The following AQR variants were observed in gnomAD, a reference collection of about 807,000 sequenced individuals.
The protein encoded by AQR is aquarius intron-binding spliceosomal factor, also known as RNA helicase aquarius.
Under a neutral mutation model 180.5 loss-of-function variants are expected in AQR, and 61 were observed. That is an observed-to-expected ratio of 0.34 (90% CI 0.28 to 0.42). The LOEUF is 0.42. Among genes scored for constraint, AQR ranks in the 10% least tolerant of loss-of-function variants. The probability of loss-of-function intolerance (pLI) is 1.00; values close to 1 mark genes in which losing one functional copy is unlikely to be tolerated. For synonymous variants in AQR, 551 were observed against 588.8 expected (o/e 0.94, Z 0.93); for missense variants, 1,281 against 1,798.3 (o/e 0.71, Z 5.20).
At chr15:34,958,205 T>G (rs1411824369) in intron 3 of AQR, among the ~76,000 whole-genome samples, 1 of 151,442 alleles carries the variant, frequency 6.6e-6, no homozygotes, top group Admixed American at 6.6e-5. Flanking sequence ...AGACTCCGTC[T>G]CAAAAAATAA....
chr15:34,893,525 T>A, intron 23 of AQR, 138 bp downstream of exon 23: 2 of 639,306 alleles, frequency 3.1e-6, no homozygotes, highest in East Asian at 5.7e-5. Context: ...GAAACTAGAT[T>A]TCTTGAAGAG....
intron 10 of AQR, among the ~76,000 whole-genome samples, chr15:34,933,569 T>G (rs1893899289): frequency 6.6e-6 from 1 of 152,148 alleles, no homozygotes; most frequent in Non-Finnish European, 1.5e-5. Context: ...AAGAGACAAT[T>G]ATAAACCCAT....
chr15:34,916,454 T>C (rs74434123), intron 15 of AQR, among the ~76,000 whole-genome samples: 1 of 149,424 alleles, frequency 6.7e-6, no homozygotes, highest in Non-Finnish European at 1.5e-5. Flanking sequence ...AAAAAAAAAA[T>C]AAACTTAAAT....
At chr15:34,858,783 CA>C (rs1427588029) in intron 34 of AQR, among the ~76,000 whole-genome samples, 1 of 152,130 alleles carries the variant, frequency 6.6e-6, no homozygotes, top group East Asian at 1.9e-4. Flanking sequence ...CAGACTCTCA[CA>C]TATATAGTCA....
intron 3 of AQR, among the ~76,000 whole-genome samples, chr15:34,954,963 A>G: frequency 6.6e-6 from 1 of 152,012 alleles, no homozygotes; most frequent in East Asian, 1.9e-4. Context: ...TCTCTACTAA[A>G]ATACAAAAAA....
chr15:34,956,454 T>C (rs1300765010), intron 3 of AQR, among the ~76,000 whole-genome samples: 2 of 151,880 alleles, frequency 1.3e-5, no homozygotes, highest in African/African-American at 2.4e-5. Flanking sequence ...AGTTCGAGAC[T>C]AGCCTGGCCA....
chr15:34,874,282 T>C (rs1042335206), intron 29 of AQR: 19 of 322,258 alleles, frequency 5.9e-5, no homozygotes, highest in South Asian at 8.5e-5. Context: ...AGACTAAAAA[T>C]TGAGGACATT....
rs377705723 is a variant in AQR, at chr15:34,873,956, A to G, written c.3469T>C (p.Leu1157=). Residue 1157 remains leucine, a synonymous_variant, in exon 30 of 35, where the codon TTA becomes CTA. Transcript: ENST00000156471. ...TCTGGCAAGAGCTGCACATGGGGTA[A>G]GTTTCCTAGATTCTTGTATCGCCAG... ...YNWRYKNLGN[L]PHVQLLPEFS... 4.0e-5 allele frequency: 64 copies of G among 1,610,896 alleles called. No homozygotes were observed. In the African/African-American group the frequency reaches 5.9e-4, roughly 15 times the overall value.
chr15:34,909,166 A>C (rs1233597545), intron 17 of AQR, among the ~76,000 whole-genome samples: 1 of 152,236 alleles, frequency 6.6e-6, no homozygotes, highest in African/African-American at 2.4e-5. Context: ...TGGTAGTAAT[A>C]ATTTCTGAAA....
Position 34,856,910 on chromosome 15 carries a change from G to A in AQR, c.4340C>T (p.Thr1447Ile). The A allele has an allele frequency of 3.7e-6, 6 of 1,614,084 alleles. No individual in the cohort carries two copies. The highest frequency in any genetic ancestry group is 4.2e-6 in the Non-Finnish European group (5 of 1,179,990). ...TTPSETGATSTPEAIPALSET... is the reference protein window; with the variant it reads ...TTPSETGATSIPEAIPALSET... Reference sequence around the variant, plus strand: ...AGATAAAGCAGGGATGGCTTCTGGAGTGGAAGTGGCTCCTGTCTCACTGGG... The same window carrying A: ...AGATAAAGCAGGGATGGCTTCTGGAATGGAAGTGGCTCCTGTCTCACTGGG... The change falls in exon 35 of 35, where the codon ACT becomes ATT. Residue 1447 changes from threonine (T) to isoleucine (I), a missense_variant. By Grantham distance (89) the Thr-to-Ile change is moderately conservative. Transcript: ENST00000156471.
chr15:34,897,425 TAGAA>T (rs1429909610), intron 21 of AQR, 130 bp downstream of exon 21: 7 of 1,016,028 alleles, frequency 6.9e-6, no homozygotes, highest in South Asian at 3.2e-5. Context: ...ACTGACAGAA[TAGAA>T]AGAAAGAGGG....
intron 18 of AQR, among the ~76,000 whole-genome samples, chr15:34,905,935 G>T (rs1893406974): frequency 6.6e-6 from 1 of 152,158 alleles, no homozygotes; most frequent in South Asian, 2.1e-4. Context: ...TACTGGGGTG[G>T]CTGAGGCAGA....
In AQR at chr15:34,853,280, A is replaced by G. The variant is rs1892540637; in HGVS notation, c.*3512T>C. The G allele has an allele frequency of 6.6e-6, 1 of 150,794 alleles. No homozygotes were observed. The highest frequency in any genetic ancestry group is 1.5e-5 in the Non-Finnish European group (1 of 67,896). 9.3% of individuals were successfully genotyped at this position (150,794 alleles called of 1,614,324 possible). On this transcript the variant is annotated 3_prime_UTR_variant, in exon 35 of 35. Coordinates refer to ENST00000156471, the MANE Select transcript of AQR (RefSeq NM_014691.3). ...TTTTAACTTTATCTTGTTTTGATTG[A>G]AGAAACATCTCTAAAAATACCATCT...
intron 19 of AQR, among the ~76,000 whole-genome samples, chr15:34,902,266 T>A (rs1893342759): frequency 6.6e-6 from 1 of 152,000 alleles, no homozygotes; most frequent in Non-Finnish European, 1.5e-5. Flanking sequence ...ATGAGGAGAC[T>A]CAAGGGTAGA....
intron 27 of AQR, among the ~76,000 whole-genome samples, chr15:34,882,172 A>AT (rs1343566764): frequency 4.0e-5 from 6 of 151,774 alleles, no homozygotes; most frequent in Admixed American, 2.6e-4. Flanking sequence ...TATTATTACT[A>AT]TTTTTTTAAT....
intron 16 of AQR, among the ~76,000 whole-genome samples, chr15:34,914,054 C>T (rs1893541291): frequency 6.6e-6 from 1 of 152,174 alleles, no homozygotes; most frequent in Admixed American, 6.5e-5. Context: ...AATTAGTAAG[C>T]AGAAGCCTGG....
Position 34,969,715 on chromosome 15 carries a change from C to T in AQR, c.-102G>A. ...AAGTTACTGCCGGGGCGCTTAACTC[C>T]GCGCCGCACAAACGCTCCGGGCCGG... is the stretch of plus-strand genomic sequence containing the variant. On this transcript the variant is annotated 5_prime_UTR_variant, in exon 1 of 35. Transcript: ENST00000156471. 1 of 1,202,374 alleles carries T rather than the reference C, an allele frequency of 8.3e-7. No homozygotes were observed. The highest frequency in any genetic ancestry group is 1.1e-6 in the Non-Finnish European group (1 of 870,240). The allele number at this position is 1,202,374 out of a possible 1,614,324, so 74.5% of individuals were successfully genotyped here.
At chr15:34,968,681 C>G (rs1339917143) in intron 1 of AQR, among the ~76,000 whole-genome samples, 1 of 152,126 alleles carries the variant, frequency 6.6e-6, no homozygotes, top group Non-Finnish European at 1.5e-5. Flanking sequence ...TAACAGATTA[C>G]GATACCTTGG....
chr15:34,903,677 T>C lies in AQR; in HGVS notation c.2001+659A>G, dbSNP rs188745092. 1.3e-3 allele frequency among the ~76,000 whole-genome samples: 191 copies of C among 152,294 alleles called. 1 individual carries two copies. Among genetic ancestry groups the C allele is most frequent in the Non-Finnish European group, 1.0e-3 (70 of 67,984 alleles). The stretch of plus-strand genomic sequence containing the variant: ...AATGATAGGAATGTCTAAGAAGTAC[T>C]GCACTTTGGGAGAAAGAGAAAAGAA... On this transcript the variant is annotated intron_variant, in intron 19 of 34. Coordinates refer to ENST00000156471, the MANE Select transcript of AQR (RefSeq NM_014691.3).
Sources: allele counts gnomAD v4.1 joint callset (sites outside exome capture counted in the v4.1 genomes callset), GRCh38; gene constraint gnomAD v4.1.1; transcripts MANE v1.5; gene names NCBI Gene and HGNC (gene_info 2026-07-23, HGNC 2026-07-21).